CAMTA2: variants seen among roughly 807,000 people sequenced by gnomAD.
CAMTA2 encodes the protein calmodulin-binding transcription activator 2.
A neutral mutation model predicts 135.7 loss-of-function variants in CAMTA2; 56 were observed. The ratio of observed to expected loss-of-function variants is 0.41; its 90% CI spans 0.33 to 0.52. The LOEUF (loss-of-function observed/expected upper bound fraction) is 0.52. CAMTA2 is among the 20% of genes least tolerant of loss of function. CAMTA2 has a pLI of 0.16. For missense variants in CAMTA2, 1,358 were observed against 1,553.4 expected, an observed-to-expected ratio of 0.87 and a Z score of 2.11; for synonymous variants, 591 against 604.6, an observed-to-expected ratio of 0.98 and a Z score of 0.33.
At position 4,982,178 on chromosome 17, in the gene CAMTA2, GGGGT is replaced by G; in HGVS notation, c.340-22_340-19del. ...TAGAGACACTGCCAGGAGACAGGCT[GGGGT>G]GGGGGGAGGGCTAGTCTGCTCCCCA... On this transcript the variant is annotated intron_variant, in intron 5 of 22. Coordinates refer to ENST00000348066, the MANE Select transcript of CAMTA2 (RefSeq NM_015099.4). 3.1e-6 allele frequency: 3 copies of G among 960,374 alleles called. No individual in the cohort carries two copies. Among genetic ancestry groups the G allele is most frequent in the Non-Finnish European group, 5.0e-6 (3 of 602,940 alleles). 59.5% of individuals were successfully genotyped at this position (960,374 alleles called of 1,614,324 possible).
chr17:4,981,062 T>G (rs1053282307), intron 8 of CAMTA2, among the ~76,000 whole-genome samples, 163 bp downstream of exon 8: 55 of 152,188 alleles, frequency 3.6e-4, no homozygotes, highest in African/African-American at 1.3e-3. Flanking sequence ...CGAGCCAGTG[T>G]GCACCCAGAT....
intron 10 of CAMTA2, among the ~76,000 whole-genome samples, chr17:4,978,165 C>G (rs2151181615): frequency 6.6e-6 from 1 of 152,364 alleles, no homozygotes; most frequent in South Asian, 2.1e-4. Context: ...GACTCTGGCT[C>G]TAAGCCAGAA....
intron 11 of CAMTA2, among the ~76,000 whole-genome samples, chr17:4,975,927 G>A (rs1326661851): frequency 1.3e-5 from 2 of 152,174 alleles, no homozygotes; most frequent in Non-Finnish European, 2.9e-5. Context: ...ATAGATACAC[G>A]TATGTATGTG....
At chr17:4,975,011 G>A (rs1482779284) in intron 11 of CAMTA2, among the ~76,000 whole-genome samples, 2 of 152,138 alleles carry the variant, frequency 1.3e-5, no homozygotes, top group Non-Finnish European at 1.5e-5. Flanking sequence ...CCACAAAGAC[G>A]ATGGTGGGGG....
Position 4,980,138 on chromosome 17 carries a change from C to G in CAMTA2, c.1184G>C (p.Gly395Ala), listed in dbSNP as rs1483931009. ...QRGQTYGGGQ[G>A]VSPDFPEAEA... ...TGCCTCGGGGAAGTCTGGGCTTACT[C>G]CCTGCCCCCCTCCATATGTCTGGCC... Residue 395 changes from glycine to alanine, a missense_variant, in exon 9 of 23, where the codon GGA becomes GCA. Transcript: ENST00000348066. The surrounding 1 kb of genome is among the most constrained non-coding windows in gnomAD (Gnocchi z 5.3). 1.9e-6 allele frequency: 3 copies of G among 1,595,236 alleles called. No homozygotes were observed. The South Asian group carries it at 3.4e-5, about 18-fold the overall frequency.
rs1972931812 is a variant in CAMTA2 at position 4,981,110 on chromosome 17, T to C, written c.700+115A>G. 16 of 1,310,998 alleles carry C rather than the reference T, an allele frequency of 1.2e-5. No homozygotes were observed. The South Asian group carries it at 1.6e-4, about 13-fold the overall frequency. 81.2% of individuals were successfully genotyped at this position (1,310,998 alleles called of 1,614,324 possible). On this transcript the variant is annotated intron_variant, in intron 8 of 22. Coordinates refer to ENST00000348066, the MANE Select transcript of CAMTA2 (RefSeq NM_015099.4). ...TCATCTGGCCCATCTTTCTGGGACA[T>C]GCAAAAGACTTGCAAATCAGCATGC...
rs554769820 is a variant in CAMTA2, at chr17:4,980,552, C to T, written c.770G>A (p.Arg257Gln). 36 of 1,613,668 alleles carry T rather than the reference C, an allele frequency of 2.2e-5. No individual in the cohort carries two copies. The Middle Eastern group carries it at 6.6e-4, about 30-fold the overall frequency. ...HRIISPKVEP[R>Q]ALTLTSIPHA... ...GGGGATAGAGGTCAGGGTTAAAGCT[C>T]GGGGCTCCACTTTGGGAGAGATGAT... Residue 257 changes from arginine to glutamine, a missense_variant, in exon 9 of 23, where the codon CGA becomes CAA. Coordinates refer to ENST00000348066, the MANE Select transcript of CAMTA2 (RefSeq NM_015099.4). The surrounding 1 kb of genome is among the most constrained non-coding windows in gnomAD (Gnocchi z 5.3).
At chr17:4,978,463 C>G in intron 10 of CAMTA2, 41 bp downstream of exon 10, 1 of 1,605,576 alleles carries the variant, frequency 6.2e-7, no homozygotes, top group Non-Finnish European at 8.5e-7. Flanking sequence ...CCTAACTGCC[C>G]ACATGTCAGT....
rs554702746 is a variant in CAMTA2, at chr17:4,973,061, C to T, written c.2281-70G>A. On this transcript the variant is annotated intron_variant, in intron 14 of 22. Coordinates refer to ENST00000348066, the MANE Select transcript of CAMTA2 (RefSeq NM_015099.4). ...GCCAGGGGCTCTTCCTCCAGGTAGT[C>T]AGGTCTTCAGGCCCCAGCCCACCCC... 1.1e-5 allele frequency: 16 copies of T among 1,501,436 alleles called. No homozygotes were observed. The African/African-American group carries it at 1.7e-4, about 16-fold the overall frequency. The allele number at this position is 1,501,436 out of a possible 1,614,324, so 93.0% of individuals were successfully genotyped here.
At position 4,982,907 on chromosome 17, in the gene CAMTA2, G is replaced by A. The variant is rs767829074; in HGVS notation, c.204-15C>T. The A allele has an allele frequency of 1.4e-5, 22 of 1,614,152 alleles. No homozygotes were observed. The highest frequency in any genetic ancestry group is 1.9e-5 in the Non-Finnish European group (22 of 1,180,032). ...CATTCTGAGGCCTGGGAAGGGAAGG[G>A]TTGCCCTGGAGTTCTGTGAACAGAA... On this transcript the variant is annotated splice_polypyrimidine_tract_variant and intron_variant, in intron 4 of 22. Coordinates refer to ENST00000348066, the MANE Select transcript of CAMTA2 (RefSeq NM_015099.4).
chr17:4,983,236 C>T (rs1597775271), intron 3 of CAMTA2, 193 bp from the exon 4 acceptor site: 3 of 572,368 alleles, frequency 5.2e-6, no homozygotes, highest in Non-Finnish European at 6.3e-6. Context: ...AAAAGTCTAA[C>T]ATTTTTTTGT....
At chr17:4,976,783 C>A (rs1201395165) in intron 11 of CAMTA2, among the ~76,000 whole-genome samples, 1 of 152,122 alleles carries the variant, frequency 6.6e-6, no homozygotes, top group African/African-American at 2.4e-5. Context: ...CCTGTCCCTG[C>A]CCTGCCTCTT....
intron 11 of CAMTA2, among the ~76,000 whole-genome samples, chr17:4,975,650 C>G (rs1304512847): frequency 1.3e-5 from 2 of 151,978 alleles, no homozygotes; most frequent in Non-Finnish European, 2.9e-5. Flanking sequence ...TGGGGTCCAG[C>G]TCCAAGAGTG....
At position 4,969,068 on chromosome 17, in the gene CAMTA2, A is replaced by T; in HGVS notation, c.3470+82T>A. On this transcript the variant is annotated intron_variant, in intron 21 of 22. Transcript: ENST00000348066. This position sits in a 1 kb window ranked among gnomAD's most constrained non-coding sequence, Gnocchi z 5.6. ...GAACCCTAGGCAGGGAATGGCAGTG[A>T]GGCATGATGATCAAGAGGATGAGTA... 1 of 1,580,536 alleles carries T rather than the reference A, an allele frequency of 6.3e-7. No individual in the cohort carries two copies. The highest frequency in any genetic ancestry group is 8.7e-7 in the Non-Finnish European group (1 of 1,155,452).
In CAMTA2 at chr17:4,969,365, G is replaced by T; in HGVS notation, c.3283-28C>A. The T allele has an allele frequency of 6.2e-7, 1 of 1,612,330 alleles. No homozygotes were observed. The highest frequency in any genetic ancestry group is 8.5e-7 in the Non-Finnish European group (1 of 1,178,480). ...GCAGGGGTGGGGAGGAGGGACAGGG[G>T]CTGAAATAGAGGGACGGAGACCCAA... On this transcript the variant is annotated intron_variant, in intron 20 of 22. Coordinates refer to ENST00000348066, the MANE Select transcript of CAMTA2 (RefSeq NM_015099.4). The surrounding 1 kb of genome is among the most constrained non-coding windows in gnomAD (Gnocchi z 5.6).
In CAMTA2 at chr17:4,986,127, G is replaced by A. The variant is rs1973264715; in HGVS notation, c.31+65C>T. Reference sequence around the variant, plus strand: ...AGAACAGAAAATCCAAGAATTAGAGGGCCACTAAAGCGTGGGGAGAACGAA... The same window carrying A: ...AGAACAGAAAATCCAAGAATTAGAGAGCCACTAAAGCGTGGGGAGAACGAA... On this transcript the variant is annotated intron_variant, in intron 2 of 22. Coordinates refer to ENST00000348066, the MANE Select transcript of CAMTA2 (RefSeq NM_015099.4). 15 of 1,125,538 alleles carry A rather than the reference G, an allele frequency of 1.3e-5. No individual in the cohort carries two copies. The South Asian group carries it at 1.8e-4, about 14-fold the overall frequency. The allele number at this position is 1,125,538 out of a possible 1,614,324, so 69.7% of individuals were successfully genotyped here. A position where few individuals can be genotyped will look rare whatever the true frequency, so the allele number is the denominator to read the frequency against.
intron 11 of CAMTA2, chr17:4,974,815 A>G (rs1972518176): frequency 8.8e-6 from 2 of 228,318 alleles, no homozygotes; most frequent in South Asian, 1.2e-4. Context: ...ACCCGTACAC[A>G]CTCTTCCCCC....
intron 14 of CAMTA2, 33 bp from the exon 15 acceptor site, chr17:4,973,024 G>T: frequency 1.3e-6 from 2 of 1,585,860 alleles, no homozygotes; most frequent in Non-Finnish European, 8.6e-7. Flanking sequence ...CGGAGACGGA[G>T]GTGGAGGTGA....
In CAMTA2 at chr17:4,969,824, C is replaced by T. The variant is rs945566065; in HGVS notation, c.3189+78G>A. 1.9e-6 allele frequency: 3 copies of T among 1,592,884 alleles called. No individual in the cohort carries two copies. Among genetic ancestry groups the T allele is most frequent in the Non-Finnish European group, 1.7e-6 (2 of 1,163,626 alleles). On this transcript the variant is annotated intron_variant, in intron 18 of 22. Transcript: ENST00000348066. The surrounding 1 kb of genome is among the most constrained non-coding windows in gnomAD (Gnocchi z 5.6). ...TCCAAGGCCTGTCTGCACGACTACT[C>T]ATCCTCCAAAAGCCCTGGGAGCCCA...
Sources: gnomAD v4.1 joint callset for allele counts (sites outside exome capture counted in the v4.1 genomes callset) on GRCh38, gnomAD v4.1.1 for gene constraint, Gnocchi (gnomAD v3.1) non-coding constraint, MANE v1.5 for transcripts, NCBI Gene and HGNC (gene_info 2026-07-23, HGNC 2026-07-21) for gene names.